Variants in H2BW2 observed in about 807,000 individuals in gnomAD.
The protein encoded by H2BW2 is histone H2B type F-M.
In H2BW2, 8 loss-of-function variants were observed where a neutral mutation model predicts 9.2. The observed-to-expected ratio is 0.87, with a 90% CI of 0.51 to 1.57. The LOEUF (loss-of-function observed/expected upper bound fraction) is 1.57. Among genes scored for constraint, H2BW2 ranks in the 40% most tolerant of loss-of-function variants. The pLI is 0.00. For synonymous variants in H2BW2, 80 were observed against 56.8 expected, an observed-to-expected ratio of 1.41 and a Z score of -1.84; for missense variants, 193 against 137.3, an observed-to-expected ratio of 1.41 and a Z score of -2.03.
In H2BW2 at chrX:104,040,521, C is replaced by A. The variant is rs2075199930; in HGVS notation, c.410+117C>A. On this transcript the variant is annotated intron_variant, in intron 1 of 3. Coordinates refer to ENST00000675318, the MANE Select transcript of H2BW2 (RefSeq NM_001388464.1). ...GGCCAGTGGCCCGCCAAGGGGGGGA[C>A]CCCACCGGAGGTTGGTGTGGGTGGC... The A allele has an allele frequency of 3.4e-5, 24 of 708,885 alleles. No individual in the cohort carries two copies. The South Asian group carries it at 6.3e-4, about 19-fold the overall frequency. The allele number at this position is 708,885 out of a possible 1,213,427, so 58.4% of individuals were successfully genotyped here.
Position 104,040,303 on chromosome X carries a change from C to T in H2BW2, c.309C>T (p.Arg103=), listed in dbSNP as rs782567930. 36 of 1,195,692 alleles carry T rather than the reference C, an allele frequency of 3.0e-5. No individual in the cohort carries two copies. Among genetic ancestry groups the T allele is most frequent in the Admixed American group, 1.1e-4 (5 of 44,071 alleles). Residue 103 remains arginine, a synonymous_variant, in exon 1 of 4, where the codon CGC becomes CGT. Coordinates refer to ENST00000675318, the MANE Select transcript of H2BW2 (RefSeq NM_001388464.1). ...EAGQLAHYTK[R]VTITSRDIQM... is the part of the protein sequence containing the mutation. The stretch of plus-strand genomic sequence containing the variant: ...GTCAGCTGGCCCATTACACCAAGCG[C>T]GTGACCATCACCTCCCGGGACATCC...
At position 104,040,145 on chromosome X, in the gene H2BW2, G is replaced by A. The variant is rs782618057; in HGVS notation, c.151G>A (p.Gly51Arg). The change falls in exon 1 of 4, where the codon GGG (glycine) becomes AGG (arginine). Residue 51 changes from glycine to arginine, a missense_variant. By Grantham distance (125) the Gly-to-Arg change is moderately radical. Coordinates refer to ENST00000675318, the MANE Select transcript of H2BW2 (RefSeq NM_001388464.1). The part of the protein sequence containing the change: ...RHANRRGDSF[G>R]DSFTPYFPRV... ...CGCCAACCGCCGTGGGGACAGCTTCGGGGACAGCTTCACCCCCTATTTCCC... is the reference window on the plus strand; with the variant it reads ...CGCCAACCGCCGTGGGGACAGCTTCAGGGACAGCTTCACCCCCTATTTCCC... 1.3e-4 allele frequency: 152 copies of A among 1,179,795 alleles called. No homozygotes were observed. Among genetic ancestry groups the A allele is most frequent in the East Asian group, 6.4e-5 (2 of 31,468 alleles).
Position 104,040,340 on chromosome X carries a change from C to A in H2BW2, c.346C>A (p.Arg116=). Residue 116 remains arginine, a synonymous_variant, in exon 1 of 4, where the codon CGA becomes AGA. Transcript: ENST00000675318. ...CTCCCGGGACATCCAGATGGCCGTG[C>A]GACTGCTGCTGCCGGGGAAGATGGG... ...ITSRDIQMAV[R]LLLPGKMGKL... is the part of the protein sequence containing the mutation. 3.4e-6 allele frequency: 4 copies of A among 1,189,451 alleles called. No individual in the cohort carries two copies. Among genetic ancestry groups the A allele is most frequent in the Non-Finnish European group, 4.5e-6 (4 of 884,452 alleles).
intron 2 of H2BW2, 34 bp downstream of exon 2, chrX:104,040,920 A>G (rs782097561): frequency 2.5e-6 from 3 of 1,181,600 alleles, no homozygotes; most frequent in South Asian, 3.7e-5. Flanking sequence ...CATCTCTCTC[A>G]TCATGAATCC....
intron 2 of H2BW2, 97 bp from the exon 3 acceptor site, chrX:104,040,991 A>T: frequency 3.7e-6 from 3 of 809,142 alleles, no homozygotes; most frequent in Non-Finnish European, 5.2e-6. Context: ...AATTTTCAAG[A>T]ATCCATTCGT....
In H2BW2 at chrX:104,040,414, A is replaced by C. The variant is rs782394885; in HGVS notation, c.410+10A>C. ...CGAATGCCGCCCTCAGGTACACCAA[A>C]AGCAAGTGAGCTGTCTCAGGAGCGC... On this transcript the variant is annotated intron_variant, in intron 1 of 3. Coordinates refer to ENST00000675318, the MANE Select transcript of H2BW2 (RefSeq NM_001388464.1). 117 of 1,129,464 alleles carry C rather than the reference A, an allele frequency of 1.0e-4. No individual in the cohort carries two copies. Among genetic ancestry groups the C allele is most frequent in the Non-Finnish European group, 1.0e-4 (85 of 853,074 alleles). 93.1% of individuals were successfully genotyped at this position (1,129,464 alleles called of 1,213,427 possible).
chrX:104,040,058 G>C lies in H2BW2; in HGVS notation c.64G>C (p.Ala22Pro). 2 of 1,166,693 alleles carry C rather than the reference G, an allele frequency of 1.7e-6. No individual in the cohort carries two copies. The highest frequency in any genetic ancestry group is 2.3e-6 in the Non-Finnish European group (2 of 872,660). The change falls in exon 1 of 4, where the codon GCC becomes CCC. Residue 22 changes from alanine to proline, a missense_variant. By Grantham distance (27) the Ala-to-Pro change is conservative. Coordinates refer to ENST00000675318, the MANE Select transcript of H2BW2 (RefSeq NM_001388464.1). The stretch of plus-strand genomic sequence containing the variant: ...CCAGAGCATCCAGGAGCCCAAAGAG[G>C]CCAACTCCACGAAGGCCCAGAAGCA... ...EGQSIQEPKE[A>P]NSTKAQKQKR...
chrX:104,039,974 C>A lies in H2BW2; in HGVS notation c.-21C>A, dbSNP rs782061467. 173 of 1,145,538 alleles carry A rather than the reference C, an allele frequency of 1.5e-4. No homozygotes were observed. In the African/African-American group the frequency reaches 2.7e-3, roughly 18 times the overall value. 94.4% of individuals were successfully genotyped at this position (1,145,538 alleles called of 1,213,427 possible). A position where few individuals can be genotyped will look rare whatever the true frequency, so the allele number is the denominator to read the frequency against. ...AACCGTCACTCTCTGTTCTTGCTAT[C>A]TAATGGCCGCTGCTTCCGCCATGGC... On this transcript the variant is annotated 5_prime_UTR_variant, in exon 1 of 4. Transcript: ENST00000675318.
At chrX:104,041,863 C>T (rs781920107) in intron 3 of H2BW2, 2 of 112,109 alleles carry the variant, frequency 1.8e-5, no homozygotes, top group South Asian at 7.5e-4. Context: ...TTCTTGAGCC[C>T]ATCAGAAGTG....
intron 3 of H2BW2, 127 bp downstream of exon 3, chrX:104,041,233 C>A (rs782236907): frequency 1.1e-5 from 2 of 175,480 alleles, no homozygotes; most frequent in Non-Finnish European, 2.1e-5. Context: ...GGGAGTGACC[C>A]AAGCTGAACC....
chrX:104,040,447 C>T (rs782052493), intron 1 of H2BW2, 43 bp downstream of exon 1: 2 of 1,052,904 alleles, frequency 1.9e-6, no homozygotes, highest in Admixed American at 6.6e-5. Flanking sequence ...CGCCTGAGCA[C>T]CTGGGAAACC....
In H2BW2 at chrX:104,040,192, C is replaced by T; in HGVS notation, c.198C>T (p.His66=). The part of the protein sequence containing the change: ...PYFPRVLKQV[H]QGLSLSQEAV... ...TCCCCCGGGTGCTGAAGCAGGTTCA[C>T]CAGGGCCTCAGCCTTTCCCAGGAGG... The change falls in exon 1 of 4, where the codon CAC becomes CAT. Residue 66 remains histidine, a synonymous_variant. Transcript: ENST00000675318. The T allele has an allele frequency of 8.4e-7, 1 of 1,192,165 alleles. No homozygotes were observed.
At chrX:104,040,694 C>T (rs1320760645) in intron 1 of H2BW2, 134 bp from the exon 2 acceptor site, 7 of 512,655 alleles carry the variant, frequency 1.4e-5, no homozygotes, top group African/African-American at 2.4e-5. Flanking sequence ...AATCGTGTTT[C>T]GTGTCCTCAG....
intron 1 of H2BW2, among the ~76,000 whole-genome samples, 153 bp downstream of exon 1, chrX:104,040,557 CTTGGGGGGCA>C (rs1219167489): frequency 1.8e-5 from 2 of 112,684 alleles, no homozygotes; most frequent in Non-Finnish European, 3.8e-5. Flanking sequence ...ACCGTTCCAG[CTTGGGGGGCA>C]TGTGCCGTGT....
In H2BW2 at chrX:104,041,031, A is replaced by G. The variant is rs782603240; in HGVS notation, c.*23-57A>G. 41 of 533,219 alleles carry G rather than the reference A, an allele frequency of 7.7e-5. No individual in the cohort carries two copies. The African/African-American group carries it at 8.5e-4, about 11-fold the overall frequency. The allele number at this position is 533,219 out of a possible 1,213,427, so 43.9% of individuals were successfully genotyped here. On this transcript the variant is annotated intron_variant, in intron 2 of 3. Coordinates refer to ENST00000675318, the MANE Select transcript of H2BW2 (RefSeq NM_001388464.1). The stretch of plus-strand genomic sequence containing the variant: ...CAGCTTCCCCGACTCTGAGACCACT[A>G]TTGTAATTCATTCTCTTTTTGTACT...
At chrX:104,040,918 T>G in intron 2 of H2BW2, 32 bp downstream of exon 2, 1 of 1,181,183 alleles carries the variant, frequency 8.5e-7, no homozygotes, top group Non-Finnish European at 1.1e-6. Flanking sequence ...AGCATCTCTC[T>G]CATCATGAAT....
intron 1 of H2BW2, 119 bp from the exon 2 acceptor site, chrX:104,040,709 C>G (rs1386060032): frequency 3.8e-6 from 2 of 519,872 alleles, no homozygotes; most frequent in Non-Finnish European, 6.9e-6. Context: ...CCTCAGTTTC[C>G]CAAATGGCCG....
Position 104,040,262 on chromosome X carries a change from A to T in H2BW2, c.268A>T (p.Ile90Phe). The T allele has an allele frequency of 8.4e-7, 1 of 1,195,068 alleles. No homozygotes were observed. The highest frequency in any genetic ancestry group is 1.1e-6 in the Non-Finnish European group (1 of 887,112). ...TATGATCCATGACATATTGGACCGC[A>T]TCGCCACCGAGGCTGGTCAGCTGGC... Reference protein sequence around the residue: ...DSMIHDILDRIATEAGQLAHY... With the variant: ...DSMIHDILDRFATEAGQLAHY... The change falls in exon 1 of 4, where the codon ATC becomes TTC. Residue 90 changes from isoleucine to phenylalanine, a missense_variant. Ile to Phe is a conservative substitution (Grantham distance 21). Transcript: ENST00000675318.
chrX:104,041,024 G>A, intron 2 of H2BW2, 64 bp from the exon 3 acceptor site: 1 of 564,878 alleles, frequency 1.8e-6, no homozygotes, highest in South Asian at 3.2e-5. Context: ...CCGACTCTGA[G>A]ACCACTATTG....
Sources: allele counts gnomAD v4.1 joint callset (sites outside exome capture counted in the v4.1 genomes callset), GRCh38; gene constraint gnomAD v4.1.1; transcripts MANE v1.5; gene names NCBI Gene and HGNC (gene_info 2026-07-23, HGNC 2026-07-21).